The following NARF variants were observed in gnomAD, a reference collection of about 807,000 sequenced individuals.
NARF encodes nuclear prelamin A recognition factor, also known as iron-only hydrogenase-like protein 2.
A neutral mutation model predicts 48.0 loss-of-function variants in NARF; 41 were observed. That is an observed-to-expected ratio of 0.85 (90% CI 0.66 to 1.11). The LOEUF is 1.11. Among genes scored for constraint, NARF ranks in the 50% least tolerant of loss-of-function variants. NARF has a pLI of 0.00. For missense variants in NARF, 613 were observed against 590.2 expected, an observed-to-expected ratio of 1.04 and a Z score of -0.40; for synonymous variants, 215 against 225.5, an observed-to-expected ratio of 0.95 and a Z score of 0.42.
intron 8 of NARF, 42 bp from the exon 9 acceptor site, chr17:82,484,771 G>C: frequency 6.5e-7 from 1 of 1,544,392 alleles, no homozygotes. Flanking sequence ...GTCACTGTAC[G>C]TCAGCATTCA....
Position 82,488,838 on chromosome 17 carries a change from C to G in NARF, c.*681C>G, listed in dbSNP as rs2044152333. 6.6e-6 allele frequency: 1 copy of G among 152,668 alleles called. No individual in the cohort carries two copies. The highest frequency in any genetic ancestry group is 2.4e-5 in the African/African-American group (1 of 41,550). The allele number at this position is 152,668 out of a possible 1,614,324, so 9.5% of individuals were successfully genotyped here. On this transcript the variant is annotated 3_prime_UTR_variant, in exon 11 of 11. Coordinates refer to ENST00000309794, the MANE Select transcript of NARF (RefSeq NM_012336.4). ...TGAAGAGCTAGGACCCCCAGAGGTT[C>G]TAATGCACATGACTTGAAGGTGATT...
intron 4 of NARF, among the ~76,000 whole-genome samples, chr17:82,470,017 A>G (rs773332660): frequency 4.6e-5 from 7 of 152,190 alleles, no homozygotes; most frequent in Admixed American, 2.0e-4. Flanking sequence ...AGATTACTTG[A>G]GGCCAGGAGC....
upstream of NARF, chr17:82,458,433 G>A: frequency 4.5e-6 from 1 of 221,896 alleles, no homozygotes; most frequent in Non-Finnish European, 8.9e-6. Context: ...CCTGGTGAAC[G>A]CCGCTTGGCC....
chr17:82,478,378 A>G (rs2043882176), intron 5 of NARF, among the ~76,000 whole-genome samples: 1 of 152,238 alleles, frequency 6.6e-6, no homozygotes, highest in Non-Finnish European at 1.5e-5. Flanking sequence ...CGGTGAGAGA[A>G]GTTGGGCAAG....
chr17:82,458,655 G>A (rs755370106), upstream of NARF: 2,656 of 1,026,800 alleles, frequency 2.6e-3, 2 homozygotes, highest in Non-Finnish European at 3.1e-3. Flanking sequence ...GTCCTCTCCC[G>A]GTGCTCTCAT....
intron 10 of NARF, among the ~76,000 whole-genome samples, chr17:82,486,109 C>T (rs373404159): frequency 1.6e-4 from 25 of 152,074 alleles, no homozygotes; most frequent in Admixed American, 1.4e-3. Context: ...TCCCTTGTTG[C>T]GTGGAGGGAG....
At chr17:82,471,194 G>T (rs2043692625) in intron 4 of NARF, among the ~76,000 whole-genome samples, 1 of 150,580 alleles carries the variant, frequency 6.6e-6, no homozygotes, top group Non-Finnish European at 1.5e-5. Flanking sequence ...GTTGGCTCAC[G>T]CCTGTAATCC....
intron 4 of NARF, among the ~76,000 whole-genome samples, chr17:82,470,564 G>A (rs1243470352): frequency 2.0e-5 from 3 of 151,918 alleles, no homozygotes; most frequent in Admixed American, 6.6e-5. Context: ...GCGCCATCTC[G>A]GCTCACTGCA....
intron 5 of NARF, among the ~76,000 whole-genome samples, chr17:82,472,971 C>T (rs1402044929): frequency 1.3e-5 from 2 of 151,858 alleles, no homozygotes; most frequent in African/African-American, 2.4e-5. Flanking sequence ...GACAGAGTCT[C>T]GCTCTGTCAC....
intron 3 of NARF, among the ~76,000 whole-genome samples, chr17:82,467,701 G>A (rs954956903): frequency 6.6e-6 from 1 of 151,140 alleles, no homozygotes; most frequent in African/African-American, 2.4e-5. Flanking sequence ...GATGGGTTTC[G>A]CCATGTTGGC....
At position 82,472,651 on chromosome 17, in the gene NARF, A is replaced by T; in HGVS notation, c.473A>T (p.His158Leu). ...QKEFVRRYRQ[H>L]SEEERTLPML... is the part of the protein sequence containing the mutation. ...GAATTCGTGCGTCGCTATCGCCAGC[A>T]CAGTGAGGAGGAACGCACCCTGCCC... The change falls in exon 5 of 11, where the codon CAC (histidine) becomes CTC (leucine). Residue 158 changes from histidine (H) to leucine (L), a missense_variant. His to Leu is a moderately conservative substitution (Grantham distance 99). Coordinates refer to ENST00000309794, the MANE Select transcript of NARF (RefSeq NM_012336.4). 5.0e-6 allele frequency: 8 copies of T among 1,614,050 alleles called. No homozygotes were observed. The highest frequency in any genetic ancestry group is 6.8e-6 in the Non-Finnish European group (8 of 1,179,980).
In NARF at chr17:82,460,032, T is replaced by C; in HGVS notation, c.68T>C (p.Val23Ala). The C allele has an allele frequency of 1.2e-6, 2 of 1,614,006 alleles. No individual in the cohort carries two copies. Among genetic ancestry groups the C allele is most frequent in the East Asian group, 2.2e-5 (1 of 44,888 alleles). ...KKTKTDDQEN[V>A]SADAPSPAQE... ...ACAAAAACTGATGACCAAGAGAATG[T>C]GTCAGCCGATGCACCGAGTCCAGCC... The change falls in exon 2 of 11, where the codon GTG becomes GCG. Residue 23 changes from valine to alanine, a missense_variant. Coordinates refer to ENST00000309794, the MANE Select transcript of NARF (RefSeq NM_012336.4).
chr17:82,461,987 G>A (rs945923772), intron 2 of NARF, among the ~76,000 whole-genome samples: 7 of 152,184 alleles, frequency 4.6e-5, no homozygotes, highest in Non-Finnish European at 1.0e-4. Flanking sequence ...GGGCCAGTGC[G>A]CCTGAGTGGC....
chr17:82,458,708 G>T, upstream of NARF: 2 of 1,403,418 alleles, frequency 1.4e-6, no homozygotes, highest in East Asian at 3.0e-5. Flanking sequence ...GTCGGGGGAG[G>T]ACAACAAAGG....
intron 5 of NARF, 59 bp from the exon 6 acceptor site, chr17:82,478,741 G>A (rs1035921975): frequency 5.6e-5 from 84 of 1,510,010 alleles, no homozygotes; most frequent in Middle Eastern, 3.4e-4. Context: ...TCCCTGGTGC[G>A]TTACAGGAAG....
At chr17:82,484,005 G>C (rs2044035633) in intron 8 of NARF, 2 of 537,350 alleles carry the variant, frequency 3.7e-6, no homozygotes, top group Admixed American at 3.4e-5. Context: ...GGCTTCCATG[G>C]TGTGATTGCC....
chr17:82,472,908 G>A (rs1215147602), intron 5 of NARF, among the ~76,000 whole-genome samples: 1 of 152,090 alleles, frequency 6.6e-6, no homozygotes, highest in East Asian at 1.9e-4. Context: ...CACTGGAAAG[G>A]CCAGTATGGT....
intron 3 of NARF, 197 bp from the exon 4 acceptor site, chr17:82,468,567 T>A (rs748637005): frequency 1.8e-6 from 1 of 551,770 alleles, no homozygotes; most frequent in Admixed American, 3.7e-5. Context: ...AAAAAAATAT[T>A]TACCAGAAGC....
At chr17:82,481,319 A>C (rs1027032038) in intron 7 of NARF, 108 bp downstream of exon 7, 1 of 1,514,932 alleles carries the variant, frequency 6.6e-7, no homozygotes, top group African/African-American at 1.4e-5. Context: ...GTGCCTGCCA[A>C]TGTGGTCGCT....
Sources: gnomAD v4.1 joint callset for allele counts (sites outside exome capture counted in the v4.1 genomes callset) on GRCh38, gnomAD v4.1.1 for gene constraint, MANE v1.5 for transcripts, NCBI Gene and HGNC (gene_info 2026-07-23, HGNC 2026-07-21) for gene names.